The following SLC35D4 variants were observed in gnomAD, a reference collection of about 807,000 sequenced individuals.
The protein encoded by SLC35D4 is UDP-N-acetylglucosamine transporter SLC35D4.
the SLC35D4 span, among the ~76,000 whole-genome samples, chr18:23,313,705 G>A: frequency 1.3e-5 from 2 of 152,168 alleles, no homozygotes; most frequent in African/African-American, 2.4e-5. Context: ...CTGGTGGTGG[G>A]ACCTAGAGCA....
chr18:23,297,862 G>GC, the SLC35D4 span: 21 of 908,822 alleles, frequency 2.3e-5, no homozygotes, highest in Non-Finnish European at 3.2e-5. Context: ...GGGTGAGGGT[G>GC]ATGGCACTGC....
chr18:23,401,105 T>G, the SLC35D4 span, among the ~76,000 whole-genome samples: 1 of 152,250 alleles, frequency 6.6e-6, no homozygotes, highest in Non-Finnish European at 1.5e-5. Flanking sequence ...ATACTGCATC[T>G]TTCTTAAAGT....
chr18:23,264,509 C>T, the SLC35D4 span, among the ~76,000 whole-genome samples: 9 of 151,984 alleles, frequency 5.9e-5, no homozygotes, highest in South Asian at 1.0e-3. Context: ...ATCACAGGCG[C>T]GCGCCACTAC....
chr18:23,301,832 A>G, the SLC35D4 span, among the ~76,000 whole-genome samples: 1 of 152,214 alleles, frequency 6.6e-6, no homozygotes, highest in African/African-American at 2.4e-5. Flanking sequence ...GAATTTTGAA[A>G]TAGAGGGAAT....
At chr18:23,288,159 G>A in the SLC35D4 span, among the ~76,000 whole-genome samples, 25 of 152,182 alleles carry the variant, frequency 1.6e-4, no homozygotes, top group African/African-American at 3.4e-4. Flanking sequence ...CCTCATGACT[G>A]CATCTCTTTG....
the SLC35D4 span, among the ~76,000 whole-genome samples, chr18:23,399,227 G>A: frequency 6.6e-6 from 1 of 152,168 alleles, no homozygotes; most frequent in Non-Finnish European, 1.5e-5. Flanking sequence ...TTTGGGCCCT[G>A]CCTCCCTGCT....
the SLC35D4 span, among the ~76,000 whole-genome samples, chr18:23,332,116 A>G: frequency 3.3e-5 from 5 of 152,032 alleles, no homozygotes; most frequent in African/African-American, 1.2e-4. Flanking sequence ...GCTAGTCTCA[A>G]ACTCCTGGCC....
the SLC35D4 span, chr18:23,421,347 C>A: frequency 3.1e-6 from 5 of 1,606,280 alleles, no homozygotes; most frequent in Middle Eastern, 1.7e-4. Flanking sequence ...ATGCATGAGT[C>A]CAGCATAGAG....
the SLC35D4 span, among the ~76,000 whole-genome samples, chr18:23,267,698 G>T: frequency 6.6e-6 from 1 of 152,062 alleles, no homozygotes; most frequent in Non-Finnish European, 1.5e-5. Flanking sequence ...CACATCTGGG[G>T]TCCCCTGCCC....
the SLC35D4 span, chr18:23,430,753 T>C: frequency 8.7e-5 from 121 of 1,392,512 alleles, no homozygotes; most frequent in Non-Finnish European, 1.1e-4. Context: ...AAGACATTTC[T>C]ATTAAAAAAC....
the SLC35D4 span, among the ~76,000 whole-genome samples, chr18:23,252,758 T>A: frequency 0.012 from 1,869 of 152,290 alleles, 38 homozygotes; most frequent in East Asian, 0.063. Context: ...ATCCTAATAG[T>A]GGTGACTTGT....
chr18:23,405,401 G>A, the SLC35D4 span, among the ~76,000 whole-genome samples: 1 of 152,046 alleles, frequency 6.6e-6, no homozygotes, highest in African/African-American at 2.4e-5. Context: ...TGTTGGTCAG[G>A]CTGACCTCAA....
At chr18:23,374,344 G>C in the SLC35D4 span, among the ~76,000 whole-genome samples, 2 of 152,252 alleles carry the variant, frequency 1.3e-5, no homozygotes, top group East Asian at 3.9e-4. Context: ...ATTGAACCAC[G>C]AGGAAACACT....
At chr18:23,388,477 C>T in the SLC35D4 span, among the ~76,000 whole-genome samples, 1 of 152,146 alleles carries the variant, frequency 6.6e-6, no homozygotes, top group South Asian at 2.1e-4. Flanking sequence ...GCCATGACCC[C>T]AATCCAGGCC....
At chr18:23,405,353 A>G in the SLC35D4 span, among the ~76,000 whole-genome samples, 3 of 151,830 alleles carry the variant, frequency 2.0e-5, 1 homozygote, top group Admixed American at 2.0e-4. Flanking sequence ...ACGCCTGGCT[A>G]ATTTTTGTAT....
chr18:23,412,575 A>G, the SLC35D4 span, among the ~76,000 whole-genome samples: 1 of 150,854 alleles, frequency 6.6e-6, no homozygotes, highest in Non-Finnish European at 1.5e-5. Flanking sequence ...TTTCTCTTTC[A>G]TTCTTCACTC....
chr18:23,285,313 C>T, the SLC35D4 span, among the ~76,000 whole-genome samples: 4 of 151,562 alleles, frequency 2.6e-5, no homozygotes, highest in African/African-American at 9.7e-5. Flanking sequence ...TTCCACCTTC[C>T]ATTCCTCCTT....
chr18:23,370,120 G>A, the SLC35D4 span: 13 of 1,043,322 alleles, frequency 1.2e-5, no homozygotes, highest in African/African-American at 4.9e-5. Flanking sequence ...TGGAGGGTGC[G>A]GTGAGCTGAG....
chr18:23,365,922 T>C, the SLC35D4 span, among the ~76,000 whole-genome samples: 18 of 152,176 alleles, frequency 1.2e-4, no homozygotes, highest in African/African-American at 4.1e-4. Flanking sequence ...GGGTCTACTG[T>C]GTCTCTTTTC....
Sources: allele counts gnomAD v4.1 joint callset (sites outside exome capture counted in the v4.1 genomes callset), GRCh38; gene constraint gnomAD v4.1.1; transcripts MANE v1.5; gene names NCBI Gene and HGNC (gene_info 2026-07-23, HGNC 2026-07-21).